VPS13B: variants seen among roughly 807,000 people sequenced by gnomAD.
VPS13B encodes the protein intermembrane lipid transfer protein VPS13B.
In VPS13B, 285 loss-of-function variants were observed where a neutral mutation model predicts 426.4. That is an observed-to-expected ratio of 0.67 (90% confidence interval 0.61 to 0.74). The LOEUF is 0.74. VPS13B is among the 30% of genes least tolerant of loss of function. VPS13B has a pLI of 0.00. For missense variants in VPS13B, 4,537 were observed against 4,782.6 expected (o/e 0.95, Z 1.51); for synonymous variants, 1,676 against 1,676.4 (o/e 1.00, Z 0.01).
In VPS13B at chr8:99,574,972, T is replaced by A. The variant is rs796262554; in HGVS notation, c.4950-686T>A. ...TGAGCCTAGGAGTTCAAGACCAGCCTGGGCAACGTGAGGAGACTCTGTCTC... is the reference window on the plus strand; with the variant it reads ...TGAGCCTAGGAGTTCAAGACCAGCCAGGGCAACGTGAGGAGACTCTGTCTC... On this transcript the variant is annotated intron_variant, in intron 31 of 61. Coordinates refer to ENST00000357162, the MANE Select transcript of VPS13B (RefSeq NM_152564.5). Among the ~76,000 whole-genome samples, 10 of 152,200 alleles carry A rather than the reference T, an allele frequency of 6.6e-5. 1 individual carries two copies. The highest frequency in any genetic ancestry group is 2.2e-4 in the African/African-American group (9 of 41,548).
intron 30 of VPS13B, among the ~76,000 whole-genome samples, chr8:99,542,298 A>T (rs1050266911): frequency 6.6e-6 from 1 of 152,176 alleles, no homozygotes; most frequent in East Asian, 1.9e-4. Flanking sequence ...AATAATATCT[A>T]TATAATTTAT....
At chr8:99,603,568 C>T (rs1382821907) in intron 33 of VPS13B, among the ~76,000 whole-genome samples, 1 of 152,138 alleles carries the variant, frequency 6.6e-6, no homozygotes, top group Non-Finnish European at 1.5e-5. Context: ...GATGGCTACT[C>T]AGTGAATAAT....
intron 19 of VPS13B, among the ~76,000 whole-genome samples, chr8:99,366,533 T>G (rs1335314381): frequency 1.3e-5 from 2 of 150,920 alleles, no homozygotes; most frequent in Admixed American, 6.6e-5. Flanking sequence ...TTTTTTGTTT[T>G]TTTTTTTTTA....
At chr8:99,206,769 T>G (rs1814748412) in intron 17 of VPS13B, among the ~76,000 whole-genome samples, 1 of 152,184 alleles carries the variant, frequency 6.6e-6, no homozygotes, top group Non-Finnish European at 1.5e-5. Context: ...GTTGAATAGT[T>G]CTTTAATCAC....
chr8:99,053,664 C>CT (rs1009310729), intron 3 of VPS13B, among the ~76,000 whole-genome samples: 8 of 142,562 alleles, frequency 5.6e-5, no homozygotes, highest in Non-Finnish European at 9.2e-5. Flanking sequence ...GACAAGGTTC[C>CT]TTTTTTTTTC....
At chr8:99,293,624 A>G (rs1819863542) in intron 19 of VPS13B, among the ~76,000 whole-genome samples, 2 of 143,036 alleles carry the variant, frequency 1.4e-5, no homozygotes, top group Admixed American at 1.4e-4. Context: ...CATGGGAGAA[A>G]ATTTTCGCAA....
intron 19 of VPS13B, among the ~76,000 whole-genome samples, chr8:99,314,671 A>T (rs963391781): frequency 6.6e-6 from 1 of 151,954 alleles, no homozygotes; most frequent in Non-Finnish European, 1.5e-5. Flanking sequence ...GGCTGGTGTG[A>T]AACTCCTGGC....
intron 16 of VPS13B, 138 bp from the exon 17 acceptor site, chr8:99,192,738 C>G: frequency 1.3e-6 from 1 of 769,592 alleles, no homozygotes; most frequent in Non-Finnish European, 2.1e-6. Context: ...AATTGCATAT[C>G]TATTTTGTTT....
intron 33 of VPS13B, among the ~76,000 whole-genome samples, chr8:99,614,836 A>G (rs1828010100): frequency 6.6e-6 from 1 of 152,094 alleles, no homozygotes; most frequent in Non-Finnish European, 1.5e-5. Flanking sequence ...TTTACTTGCC[A>G]GCCAGATGCG....
intron 33 of VPS13B, among the ~76,000 whole-genome samples, chr8:99,624,007 A>ATTTTTTTTTTTTT (rs1165382455): frequency 2.0e-5 from 2 of 101,122 alleles, no homozygotes; most frequent in Non-Finnish European, 3.7e-5. Context: ...ATATATATAT[A>ATTTTTTTTTTTTT]TTTTTTTTTT....
chr8:99,573,393 G>A (rs992332523), intron 31 of VPS13B, among the ~76,000 whole-genome samples: 1 of 152,122 alleles, frequency 6.6e-6, no homozygotes, highest in African/African-American at 2.4e-5. Context: ...GTCCTGAAAG[G>A]TATTGCCTAG....
chr8:99,732,933 C>A (rs1833663818), intron 39 of VPS13B, among the ~76,000 whole-genome samples: 1 of 152,162 alleles, frequency 6.6e-6, no homozygotes, highest in African/African-American at 2.4e-5. Flanking sequence ...TATCCTGTCA[C>A]TTTATTTGGT....
chr8:99,015,251 C>T (rs1841549225), intron 2 of VPS13B, among the ~76,000 whole-genome samples: 2 of 134,006 alleles, frequency 1.5e-5, no homozygotes, highest in Non-Finnish European at 3.1e-5. Context: ...GAGTCTTGCT[C>T]TGTTGCCCAG....
chr8:99,786,715 CATT>C (rs1334518645), intron 43 of VPS13B, among the ~76,000 whole-genome samples: 7 of 152,090 alleles, frequency 4.6e-5, no homozygotes, highest in Non-Finnish European at 8.8e-5. Context: ...AAGCTGCAGT[CATT>C]ATAATCTTCT....
At chr8:99,360,115 TCCTTA>T (rs1812418758) in intron 19 of VPS13B, among the ~76,000 whole-genome samples, 5 of 147,858 alleles carry the variant, frequency 3.4e-5, no homozygotes, top group African/African-American at 1.3e-4. Flanking sequence ...TTTTTTTTTT[TCCTTA>T]TCTTTCTTTC....
chr8:99,821,518 C>G (rs372783756), intron 50 of VPS13B, 36 bp downstream of exon 50: 1 of 1,610,650 alleles, frequency 6.2e-7, no homozygotes, highest in Non-Finnish European at 8.5e-7. Flanking sequence ...GAGGAAATAG[C>G]ATGCCATCCC....
chr8:99,536,029 A>G (rs1823197964), intron 30 of VPS13B, among the ~76,000 whole-genome samples: 3 of 150,994 alleles, frequency 2.0e-5, no homozygotes, highest in African/African-American at 7.3e-5. Context: ...GGCTCACTGC[A>G]ACCTCTGCCT....
chr8:99,489,800 G>T (rs549308674), intron 25 of VPS13B, among the ~76,000 whole-genome samples: 37 of 152,164 alleles, frequency 2.4e-4, no homozygotes, highest in South Asian at 1.5e-3. Context: ...AAGGAGATTT[G>T]GGGCTGAGAC....
intron 17 of VPS13B, among the ~76,000 whole-genome samples, chr8:99,271,027 A>G (rs965617573): frequency 1.3e-5 from 2 of 152,140 alleles, no homozygotes; most frequent in Admixed American, 6.6e-5. Context: ...TATATATAGA[A>G]TGAAAATAGT....
Sources: allele counts gnomAD v4.1 joint callset (sites outside exome capture counted in the v4.1 genomes callset), GRCh38; gene constraint gnomAD v4.1.1; transcripts MANE v1.5; gene names NCBI Gene and HGNC (gene_info 2026-07-23, HGNC 2026-07-21).